PRR5L: variants seen among roughly 807,000 people sequenced by gnomAD.
PRR5L encodes the protein proline-rich protein 5-like.
A neutral mutation model predicts 36.4 loss-of-function variants in PRR5L; 21 were observed. That is an observed-to-expected ratio of 0.58 (90% confidence interval 0.41 to 0.83). The LOEUF is 0.83. Among genes scored for constraint, PRR5L ranks in the 40% least tolerant of loss-of-function variants. The pLI is 0.00. For synonymous variants in PRR5L, 188 were observed against 197.0 expected, an observed-to-expected ratio of 0.95 and a Z score of 0.38; for missense variants, 381 against 473.3, an observed-to-expected ratio of 0.80 and a Z score of 1.81.
At chr11:36,351,502 TTTATATATTTA>T (rs1856955153) in intron 1 of PRR5L, among the ~76,000 whole-genome samples, 4 of 9,698 alleles carry the variant, frequency 4.1e-4, no homozygotes, top group South Asian at 7.4e-3. Context: ...TATATATATT[TTTATATATTTA>T]TATATATTTA....
intron 1 of PRR5L, among the ~76,000 whole-genome samples, chr11:36,356,817 G>A (rs1174208465): frequency 6.6e-6 from 1 of 152,048 alleles, no homozygotes; most frequent in Non-Finnish European, 1.5e-5. Context: ...TGGGGCCTTG[G>A]TATTTCCTGA....
At chr11:36,449,085 T>G (rs1240947103) in intron 7 of PRR5L, among the ~76,000 whole-genome samples, 1 of 152,206 alleles carries the variant, frequency 6.6e-6, no homozygotes, top group African/African-American at 2.4e-5. Flanking sequence ...ATGTTGCCTT[T>G]GGCCCATGTT....
At chr11:36,444,451 T>TC (rs1360420213) in intron 6 of PRR5L, among the ~76,000 whole-genome samples, 1 of 152,246 alleles carries the variant, frequency 6.6e-6, no homozygotes, top group African/African-American at 2.4e-5. Flanking sequence ...AAGCCCTTTT[T>TC]CTGATCTGTT....
chr11:36,417,073 A>G (rs772372063), intron 3 of PRR5L, among the ~76,000 whole-genome samples: 5 of 152,176 alleles, frequency 3.3e-5, no homozygotes, highest in Non-Finnish European at 7.4e-5. Context: ...CTTCATGAGC[A>G]TAGTGTTTTC....
intron 8 of PRR5L, among the ~76,000 whole-genome samples, chr11:36,458,565 A>C (rs999814003): frequency 7.9e-5 from 12 of 152,204 alleles, no homozygotes; most frequent in Admixed American, 7.2e-4. Flanking sequence ...CATTCTCTTC[A>C]TTATTTATAC....
intron 1 of PRR5L, among the ~76,000 whole-genome samples, chr11:36,303,026 G>C (rs190448053): frequency 6.6e-6 from 1 of 152,178 alleles, no homozygotes; most frequent in Non-Finnish European, 1.5e-5. Flanking sequence ...TCGAGCCCAG[G>C]CATCCTGGCT....
chr11:36,456,255 C>T (rs557333745), intron 8 of PRR5L, among the ~76,000 whole-genome samples: 1 of 152,324 alleles, frequency 6.6e-6, no homozygotes, highest in South Asian at 2.1e-4. Flanking sequence ...GAATCACTCC[C>T]CGGGGAGGTT....
At chr11:36,394,882 T>C (rs1857626136) in intron 1 of PRR5L, among the ~76,000 whole-genome samples, 1 of 152,252 alleles carries the variant, frequency 6.6e-6, no homozygotes, top group South Asian at 2.1e-4. Flanking sequence ...TTTTTCTGCC[T>C]ACCACAGTGA....
intron 7 of PRR5L, among the ~76,000 whole-genome samples, chr11:36,448,819 A>G (rs1365820707): frequency 6.6e-6 from 1 of 152,164 alleles, no homozygotes; most frequent in African/African-American, 2.4e-5. Context: ...CCCATCTCAC[A>G]GCTGAGATGG....
intron 1 of PRR5L, among the ~76,000 whole-genome samples, chr11:36,400,121 T>A (rs902386059): frequency 3.3e-5 from 5 of 152,190 alleles, no homozygotes; most frequent in African/African-American, 1.2e-4. Flanking sequence ...GAGTTGGGTT[T>A]AAATAAGCAG....
intron 6 of PRR5L, among the ~76,000 whole-genome samples, chr11:36,439,814 T>C (rs900057980): frequency 5.3e-5 from 8 of 152,224 alleles, no homozygotes; most frequent in Non-Finnish European, 1.2e-4. Flanking sequence ...CTTTACTTTT[T>C]CTTTGTGCTT....
chr11:36,304,072 C>T (rs1193486270), intron 1 of PRR5L, among the ~76,000 whole-genome samples: 1 of 152,164 alleles, frequency 6.6e-6, no homozygotes, highest in African/African-American at 2.4e-5. Flanking sequence ...GTCCTCGCAG[C>T]ATCCTCAGAA....
chr11:36,419,295 T>C lies in PRR5L; in HGVS notation c.286T>C (p.Tyr96His). 6.2e-7 allele frequency: 1 copy of C among 1,613,930 alleles called. No individual in the cohort carries two copies. Among genetic ancestry groups the C allele is most frequent in the Non-Finnish European group, 8.5e-7 (1 of 1,179,770 alleles). Reference protein sequence around the residue: ...KSELGSFITDYFQNQLLAKGL... With the variant: ...KSELGSFITDHFQNQLLAKGL... ...TGAACTTGGATCATTCATTACAGAC[T>C]ATTTTCAGGTAAGCTGTGTGGATCT... Residue 96 changes from tyrosine to histidine, a missense_variant, in exon 4 of 9, where the codon TAT becomes CAT. By Grantham distance (83) the Tyr-to-His change is moderately conservative. Coordinates refer to ENST00000530639, the MANE Select transcript of PRR5L (RefSeq NM_001160167.2).
chr11:36,394,283 T>C (rs951068137), intron 1 of PRR5L: 5 of 152,280 alleles, frequency 3.3e-5, no homozygotes, highest in African/African-American at 1.2e-4. Context: ...CAGCCTCCAC[T>C]GCACCTGTGT....
chr11:36,406,249 C>G (rs35047514), intron 3 of PRR5L, among the ~76,000 whole-genome samples: 22,870 of 152,026 alleles, frequency 0.15, 2,150 homozygotes, highest in African/African-American at 0.27. Flanking sequence ...AGATGTTCCT[C>G]TGTGTCTTGA....
intron 1 of PRR5L, among the ~76,000 whole-genome samples, chr11:36,298,964 T>G (rs1244768484): frequency 6.6e-6 from 1 of 152,202 alleles, no homozygotes; most frequent in Non-Finnish European, 1.5e-5. Context: ...GGGTTCATTT[T>G]AACTTAATCA....
At chr11:36,350,954 A>ATATATATATGTATATT (rs1856928226) in intron 1 of PRR5L, among the ~76,000 whole-genome samples, 1 of 13,986 alleles carries the variant, frequency 7.2e-5, no homozygotes, top group African/African-American at 2.1e-4. Context: ...ATATATATTT[A>ATATATATATGTATATT]TATATATTTA....
At chr11:36,375,578 G>A (rs1239821497) in intron 1 of PRR5L, among the ~76,000 whole-genome samples, 2 of 152,064 alleles carry the variant, frequency 1.3e-5, no homozygotes, top group East Asian at 1.9e-4. Context: ...ATGTGCGATC[G>A]GGCAGCATTT....
intron 1 of PRR5L, among the ~76,000 whole-genome samples, chr11:36,400,350 G>T (rs1319577356): frequency 6.6e-6 from 1 of 152,190 alleles, no homozygotes; most frequent in Non-Finnish European, 1.5e-5. Flanking sequence ...TACTTGAAAA[G>T]ACTGTTATCT....
Sources: allele counts gnomAD v4.1 joint callset (sites outside exome capture counted in the v4.1 genomes callset), GRCh38; gene constraint gnomAD v4.1.1; transcripts MANE v1.5; gene names NCBI Gene and HGNC (gene_info 2026-07-23, HGNC 2026-07-21).